Variants in EYA3 observed in about 807,000 individuals in gnomAD.
EYA3 encodes the protein protein phosphatase EYA3.
In EYA3, 39 loss-of-function variants were observed where a neutral mutation model predicts 80.0. That is an observed-to-expected ratio of 0.49 (90% CI 0.38 to 0.64). The LOEUF (loss-of-function observed/expected upper bound fraction) is 0.64. Among genes scored for constraint, EYA3 ranks in the 30% least tolerant of loss-of-function variants. The pLI is 0.00. For missense variants in EYA3, 523 were observed against 676.1 expected (o/e 0.77, Z 2.51); for synonymous variants, 206 against 232.8 (o/e 0.88, Z 1.05).
intron 16 of EYA3, among the ~76,000 whole-genome samples, chr1:27,987,125 T>C (rs1470097957): frequency 6.6e-6 from 1 of 152,206 alleles, no homozygotes. Flanking sequence ...TCCCTTCCCC[T>C]CCAGCCTCTG....
chr1:27,992,080 G>A (rs1034567110), intron 14 of EYA3, among the ~76,000 whole-genome samples: 3 of 152,190 alleles, frequency 2.0e-5, no homozygotes, highest in African/African-American at 4.8e-5. Flanking sequence ...TCTGGTATTA[G>A]AGAGCTGTAA....
At chr1:27,986,398 CAT>C (rs1639659185) in intron 16 of EYA3, among the ~76,000 whole-genome samples, 1 of 141,290 alleles carries the variant, frequency 7.1e-6, no homozygotes. Context: ...ACTCTCTTAA[CAT>C]TTTTTTTTTT....
At chr1:27,988,011 C>T (rs907540610) in intron 16 of EYA3, among the ~76,000 whole-genome samples, 1 of 152,144 alleles carries the variant, frequency 6.6e-6, no homozygotes, top group Non-Finnish European at 1.5e-5. Flanking sequence ...AGGACTACAG[C>T]TGCGTGCCAC....
intron 10 of EYA3, among the ~76,000 whole-genome samples, chr1:28,005,971 G>A (rs1193892785): frequency 2.0e-5 from 3 of 151,804 alleles, no homozygotes; most frequent in African/African-American, 7.3e-5. Flanking sequence ...TGGGTGTGGT[G>A]GTGCACACTT....
rs138871801 is a variant in EYA3 at position 28,047,354 on chromosome 1, G to C, written c.77+1029C>G. On this transcript the variant is annotated intron_variant, in intron 3 of 17. Coordinates refer to ENST00000373871, the MANE Select transcript of EYA3 (RefSeq NM_001990.4). ...CGCCATGTTGGTCTCTTATAAGGAA[G>C]AAACTAAAGTTCTTTTTAAGGGGTG... Among the ~76,000 whole-genome samples the C allele has an allele frequency of 7.2e-3, 1,094 of 152,190 alleles. 9 individuals carry two copies. The highest frequency in any genetic ancestry group is 0.041 in the Middle Eastern group (12 of 294).
intron 1 of EYA3, among the ~76,000 whole-genome samples, chr1:28,062,291 T>G (rs951858300): frequency 6.6e-6 from 1 of 152,204 alleles, no homozygotes; most frequent in African/African-American, 2.4e-5. Context: ...TAGTATTTCC[T>G]AAGACTTTAC....
At chr1:27,981,530 C>T (rs1160222282) in intron 16 of EYA3, among the ~76,000 whole-genome samples, 18 of 152,082 alleles carry the variant, frequency 1.2e-4, no homozygotes, top group Admixed American at 1.2e-3. Context: ...CCCTTCCACC[C>T]AATCCCTTGT....
intron 11 of EYA3, among the ~76,000 whole-genome samples, chr1:28,002,018 C>T (rs1264350540): frequency 2.0e-5 from 3 of 151,896 alleles, no homozygotes; most frequent in Non-Finnish European, 2.9e-5. Context: ...CAGGTTCAAG[C>T]GATTCTCCTG....
chr1:28,035,789 A>G (rs1029063069), intron 5 of EYA3, 109 bp from the exon 6 acceptor site: 8 of 1,028,744 alleles, frequency 7.8e-6, no homozygotes, highest in African/African-American at 3.3e-5. Flanking sequence ...CAAGGAGACT[A>G]ATCTTCCACA....
At chr1:28,046,582 G>A (rs963591676) in intron 3 of EYA3, among the ~76,000 whole-genome samples, 1 of 152,002 alleles carries the variant, frequency 6.6e-6, no homozygotes, top group African/African-American at 2.4e-5. Flanking sequence ...TTAGAGGCTG[G>A]GAAATCAGAC....
chr1:27,974,648 T>C (rs905394401), intron 17 of EYA3, 102 bp from the exon 18 acceptor site: 4 of 903,044 alleles, frequency 4.4e-6, no homozygotes, highest in East Asian at 2.5e-5. Flanking sequence ...CCAAGGTACA[T>C]GGTAACCCTA....
At chr1:28,048,195 G>A (rs1342213488) in intron 3 of EYA3, among the ~76,000 whole-genome samples, 188 bp downstream of exon 3, 3 of 151,990 alleles carry the variant, frequency 2.0e-5, no homozygotes, top group Non-Finnish European at 4.4e-5. Context: ...GAACAAATCA[G>A]TGCACAAGTT....
In EYA3 at chr1:28,055,540, G is replaced by A. The variant is rs201075984; in HGVS notation, c.33+2454C>T. ...GGCTGGAGTGCACTGGCACAATCTC[G>A]GCTCACTGCAACCTCCACCTCCTGG... is the stretch of plus-strand genomic sequence containing the variant. On this transcript the variant is annotated intron_variant, in intron 2 of 17. Transcript: ENST00000373871. Among the ~76,000 whole-genome samples the A allele has an allele frequency of 1.0e-4, 15 of 143,760 alleles. No individual in the cohort carries two copies. The East Asian group carries it at 3.0e-3, about 29-fold the overall frequency. 94.3% of individuals were successfully genotyped at this position (143,760 alleles called of 152,430 possible).
At chr1:28,082,195 C>A (rs1173524120) in intron 1 of EYA3, among the ~76,000 whole-genome samples, 1 of 152,110 alleles carries the variant, frequency 6.6e-6, no homozygotes, top group Non-Finnish European at 1.5e-5. Flanking sequence ...AATCAAATGT[C>A]ACTTCTTACC....
At chr1:27,995,174 GA>G (rs984004594) in intron 13 of EYA3, among the ~76,000 whole-genome samples, 9 of 151,438 alleles carry the variant, frequency 5.9e-5, no homozygotes, top group Admixed American at 5.9e-4. Flanking sequence ...GGAGGCCAAT[GA>G]GGGGGGATCA....
At chr1:28,066,082 G>C (rs1022574835) in intron 1 of EYA3, among the ~76,000 whole-genome samples, 2 of 151,900 alleles carry the variant, frequency 1.3e-5, no homozygotes, top group Admixed American at 1.3e-4. Flanking sequence ...TGATAACCAA[G>C]ACGGCTCCTA....
chr1:28,008,383 AC>A (rs1353008381), intron 10 of EYA3, among the ~76,000 whole-genome samples: 1 of 152,120 alleles, frequency 6.6e-6, no homozygotes, highest in African/African-American at 2.4e-5. Context: ...TAAGTATTAC[AC>A]CAAGAAAACA....
chr1:27,972,238 G>A lies in EYA3; in HGVS notation c.*2228C>T, dbSNP rs1638761694. On this transcript the variant is annotated 3_prime_UTR_variant, in exon 18 of 18. Transcript: ENST00000373871. ...TAGGGGGAGGGTTTGAGGCCTCAGA[G>A]TAAAACCTAGAGCTTCCTAAGATCA... The A allele has an allele frequency of 6.6e-6, 1 of 152,152 alleles. No homozygotes were observed. The highest frequency in any genetic ancestry group is 2.4e-5 in the African/African-American group (1 of 41,426). 9.4% of individuals were successfully genotyped at this position (152,152 alleles called of 1,614,324 possible).
intron 10 of EYA3, among the ~76,000 whole-genome samples, chr1:28,004,668 T>C (rs1421436088): frequency 6.6e-6 from 1 of 151,992 alleles, no homozygotes; most frequent in Non-Finnish European, 1.5e-5. Context: ...GGAAAAATTA[T>C]AGCTTATTTT....
Sources: allele counts gnomAD v4.1 joint callset (sites outside exome capture counted in the v4.1 genomes callset), GRCh38; gene constraint gnomAD v4.1.1; transcripts MANE v1.5; gene names NCBI Gene and HGNC (gene_info 2026-07-23, HGNC 2026-07-21).